Variants in MCCC1 observed in about 807,000 individuals in gnomAD.
MCCC1 encodes the protein methylcrotonoyl-CoA carboxylase subunit alpha, mitochondrial.
MCCC1 carries 64 observed loss-of-function variants against 83.8 expected under a neutral mutation model. The observed-to-expected ratio is 0.76, with a 90% CI of 0.62 to 0.94. The LOEUF (loss-of-function observed/expected upper bound fraction) is 0.94. Ranked by LOEUF, MCCC1 falls within the 40% of genes least tolerant of loss-of-function variation. The pLI, the probability that MCCC1 is intolerant of heterozygous loss-of-function variation, is 0.00. For missense variants in MCCC1, 807 were observed against 904.7 expected (o/e 0.89, Z 1.39); for synonymous variants, 322 against 315.4 (o/e 1.02, Z -0.22).
Position 183,092,446 on chromosome 3 carries a change from T to C in MCCC1, c.236A>G (p.Tyr79Cys). Residue 79 changes from tyrosine to cysteine, a missense_variant, in exon 3 of 19, where the codon TAT becomes TGT. By Grantham distance (194) the Tyr-to-Cys change is radical (BLOSUM62 -2). Transcript: ENST00000265594. ...KKLGVQTVAV[Y>C]SEADRNSMHV... ...CATGGAATTTCTGTCAGCCTCACTA[T>C]AAACCGCCACAGTCTGTACACCCAG... 6.2e-7 allele frequency: 1 copy of C among 1,614,238 alleles called. No homozygotes were observed. The highest frequency in any genetic ancestry group is 8.5e-7 in the Non-Finnish European group (1 of 1,180,036).
chr3:183,092,562 G>C lies in MCCC1; in HGVS notation c.137-17C>G. 2 of 1,613,932 alleles carry C rather than the reference G, an allele frequency of 1.2e-6. No homozygotes were observed. The highest frequency in any genetic ancestry group is 1.7e-6 in the Non-Finnish European group (2 of 1,179,914). ...TGTTTCTTCCTGTTTAAAACACCAT[G>C]AAAATCACACAGAAATGTTACTGGA... On this transcript the variant is annotated splice_polypyrimidine_tract_variant and intron_variant, in intron 2 of 18. Coordinates refer to ENST00000265594, the MANE Select transcript of MCCC1 (RefSeq NM_020166.5).
At chr3:183,096,073 C>T (rs1323895985) in intron 1 of MCCC1, among the ~76,000 whole-genome samples, 2 of 152,156 alleles carry the variant, frequency 1.3e-5, no homozygotes, top group Admixed American at 6.5e-5. Flanking sequence ...CAGTGGCTCA[C>T]GCCTGTAATC....
chr3:183,064,490 G>C lies in MCCC1; in HGVS notation c.761+6509C>G, dbSNP rs548317428. ...GAAGCTCCGTAAAGGCTTCTGGGAC[G>C]GGCAGAAGCCCCGCGCCCCTGCCTG... On this transcript the variant is annotated intron_variant, in intron 7 of 18. Coordinates refer to ENST00000265594, the MANE Select transcript of MCCC1 (RefSeq NM_020166.5). The surrounding 1 kb of genome is among the most constrained non-coding windows in gnomAD (Gnocchi z 4.5). 6.6e-4 allele frequency among the ~76,000 whole-genome samples: 101 copies of C among 152,276 alleles called. No individual in the cohort carries two copies. The highest frequency in any genetic ancestry group is 2.3e-3 in the African/African-American group (96 of 41,562).
intron 7 of MCCC1, among the ~76,000 whole-genome samples, chr3:183,068,441 T>C (rs1479785948): frequency 6.6e-6 from 1 of 152,152 alleles, no homozygotes; most frequent in East Asian, 1.9e-4. Context: ...AGTTACCCTA[T>C]ATGGTCTAAA....
intron 7 of MCCC1, among the ~76,000 whole-genome samples, chr3:183,063,276 C>T (rs1715990497): frequency 6.6e-6 from 1 of 152,212 alleles, no homozygotes; most frequent in African/African-American, 2.4e-5. Flanking sequence ...GCCACTGCGC[C>T]TGGCCCTATT....
At chr3:183,052,898 T>C (rs1041914522) in intron 8 of MCCC1, among the ~76,000 whole-genome samples, 5 of 152,026 alleles carry the variant, frequency 3.3e-5, no homozygotes, top group Non-Finnish European at 7.4e-5. Context: ...TTTTTTTAAT[T>C]TACTATACTA....
At chr3:183,074,183 T>C (rs1488296248) in intron 4 of MCCC1, among the ~76,000 whole-genome samples, 1 of 152,238 alleles carries the variant, frequency 6.6e-6, no homozygotes. Context: ...AGGGGACAAC[T>C]GTACGTGTAC....
intron 4 of MCCC1, among the ~76,000 whole-genome samples, chr3:183,076,958 A>G (rs181532990): frequency 2.2e-4 from 33 of 152,300 alleles, no homozygotes; most frequent in Admixed American, 3.9e-4. Flanking sequence ...CTATATGAAC[A>G]TTTCATATAA....
At chr3:183,061,236 G>A (rs562405733) in intron 7 of MCCC1, among the ~76,000 whole-genome samples, 12 of 152,240 alleles carry the variant, frequency 7.9e-5, no homozygotes, top group South Asian at 2.1e-4. Context: ...TTTGTGCTGC[G>A]AAGTATTTCT....
chr3:183,081,753 C>T (rs913663549), intron 4 of MCCC1, among the ~76,000 whole-genome samples: 8 of 152,174 alleles, frequency 5.3e-5, no homozygotes, highest in African/African-American at 1.4e-4. Context: ...AATTGCCCTG[C>T]TAATGCTGTT....
chr3:183,042,528 G>A (rs1234570224), intron 10 of MCCC1, among the ~76,000 whole-genome samples: 1 of 152,158 alleles, frequency 6.6e-6, no homozygotes, highest in South Asian at 2.1e-4. Context: ...TAGACTCTAA[G>A]TAACTTAGCA....
At chr3:183,112,991 C>A (rs1719524977) in intron 1 of MCCC1, among the ~76,000 whole-genome samples, 1 of 151,982 alleles carries the variant, frequency 6.6e-6, no homozygotes, top group Admixed American at 6.6e-5. Context: ...TTTGGGAGGC[C>A]AAGGCCGGCG....
At chr3:183,035,379 C>T (rs560645910) in intron 13 of MCCC1, among the ~76,000 whole-genome samples, 2 of 152,254 alleles carry the variant, frequency 1.3e-5, no homozygotes, top group Non-Finnish European at 1.5e-5. Flanking sequence ...GCTTTCCATA[C>T]AGCTATCTTG....
At position 183,015,485 on chromosome 3, in the gene MCCC1, A is replaced by G; in HGVS notation, c.2131T>C (p.Leu711=). ...GATTCTTCCTCCTCAAACTCGACTA[A>G]AGGAGTGTGTCTGTTGGCCTGAGCA... is the stretch of plus-strand genomic sequence containing the variant. ...EGAQANRHTP[L]VEFEEEESDK... Residue 711 remains leucine (L), a synonymous_variant, in exon 19 of 19, where the codon TTA becomes CTA. Coordinates refer to ENST00000265594, the MANE Select transcript of MCCC1 (RefSeq NM_020166.5). 1 of 1,614,000 alleles carries G rather than the reference A, an allele frequency of 6.2e-7. No homozygotes were observed. The highest frequency in any genetic ancestry group is 8.5e-7 in the Non-Finnish European group (1 of 1,179,936).
chr3:183,103,843 C>T (rs907710419), upstream of MCCC1, among the ~76,000 whole-genome samples: 14 of 152,158 alleles, frequency 9.2e-5, no homozygotes, highest in Non-Finnish European at 1.9e-4. Context: ...GCCCACGGAG[C>T]GGGGGGAGGC....
chr3:183,034,582 T>C (rs1713402314), intron 13 of MCCC1, among the ~76,000 whole-genome samples: 1 of 152,190 alleles, frequency 6.6e-6, no homozygotes, highest in Non-Finnish European at 1.5e-5. Context: ...TGAAAAATTC[T>C]AGCTTCTATT....
chr3:183,096,170 T>G (rs1039516201), intron 1 of MCCC1, among the ~76,000 whole-genome samples: 3 of 152,080 alleles, frequency 2.0e-5, no homozygotes, highest in Non-Finnish European at 4.4e-5. Flanking sequence ...ACCCCATCTC[T>G]ACTAACAATA....
chr3:183,102,241 T>C (rs1194917783), upstream of MCCC1, among the ~76,000 whole-genome samples: 1 of 152,018 alleles, frequency 6.6e-6, no homozygotes, highest in African/African-American at 2.4e-5. Context: ...TGATGCACAC[T>C]TGTAGTCCCA....
At chr3:183,113,348 A>T (rs1274412587) in intron 1 of MCCC1, among the ~76,000 whole-genome samples, 1 of 143,616 alleles carries the variant, frequency 7.0e-6, no homozygotes, top group African/African-American at 2.5e-5. Context: ...GTTCTCACTG[A>T]TAGGTGGGAA....
Sources: allele counts gnomAD v4.1 joint callset (sites outside exome capture counted in the v4.1 genomes callset), GRCh38; gene constraint gnomAD v4.1.1; non-coding constraint Gnocchi (gnomAD v3.1); transcripts MANE v1.5; gene names NCBI Gene and HGNC (gene_info 2026-07-23, HGNC 2026-07-21).